Variants in ASB4 observed in about 807,000 individuals in gnomAD.
ASB4 encodes ankyrin repeat and SOCS box containing 4.
In ASB4, 35 loss-of-function variants were observed where a neutral mutation model predicts 38.6. The observed-to-expected ratio is 0.91, with a 90% CI of 0.69 to 1.20. The LOEUF (loss-of-function observed/expected upper bound fraction) is 1.20, where lower values mean the gene tolerates loss of function less well. Ranked by LOEUF, ASB4 falls within the 50% of genes most tolerant of loss-of-function variation. The pLI is 0.00. For synonymous variants in ASB4, 195 were observed against 201.3 expected (o/e 0.97, Z 0.26); for missense variants, 557 against 527.2 (o/e 1.06, Z -0.55).
intron 1 of ASB4, among the ~76,000 whole-genome samples, chr7:95,490,820 G>A (rs1211701120): frequency 2.6e-5 from 4 of 152,224 alleles, no homozygotes; most frequent in Middle Eastern, 3.2e-3. Context: ...ACACGCGCAC[G>A]CGTGCACACA....
chr7:95,471,489 G>C, the ASB4 span, among the ~76,000 whole-genome samples: 1 of 152,136 alleles, frequency 6.6e-6, no homozygotes, highest in South Asian at 2.1e-4. Context: ...TGTCAAAATA[G>C]GTTTCTGTTG....
At chr7:95,502,389 T>TGGG (rs764509855) in intron 2 of ASB4, among the ~76,000 whole-genome samples, 2 of 83,396 alleles carry the variant, frequency 2.4e-5, no homozygotes, top group African/African-American at 8.4e-5. Flanking sequence ...GGTACCAGCC[T>TGGG]GCGGGGGGGG....
chr7:95,513,048 GT>G (rs1219695169), intron 2 of ASB4, among the ~76,000 whole-genome samples: 7 of 152,112 alleles, frequency 4.6e-5, no homozygotes, highest in Admixed American at 2.0e-4. Context: ...TAGAGGAAAT[GT>G]GGCTATAGAA....
intron 2 of ASB4, among the ~76,000 whole-genome samples, chr7:95,515,701 C>G (rs1246398123): frequency 6.6e-6 from 1 of 152,192 alleles, no homozygotes; most frequent in Non-Finnish European, 1.5e-5. Flanking sequence ...AGGCGTGAGC[C>G]ACTGCGCCCA....
intron 3 of ASB4, among the ~76,000 whole-genome samples, chr7:95,530,962 G>A (rs1306656399): frequency 6.6e-6 from 1 of 152,174 alleles, no homozygotes; most frequent in Non-Finnish European, 1.5e-5. Context: ...ACTTACTTAA[G>A]AGTGTGATTA....
At chr7:95,541,653 G>T (rs564998662), downstream of ASB4, among the ~76,000 whole-genome samples, 19 of 152,210 alleles carry the variant, frequency 1.2e-4, no homozygotes, top group African/African-American at 4.6e-4. Flanking sequence ...TTGCATCTTT[G>T]TATTTTTGTA....
chr7:95,511,264 A>T (rs3779489), intron 2 of ASB4, among the ~76,000 whole-genome samples: 7,049 of 152,170 alleles, frequency 0.046, 308 homozygotes, highest in South Asian at 0.12. Flanking sequence ...ACCGAGAGCC[A>T]CCAAGAAGTG....
intron 2 of ASB4, among the ~76,000 whole-genome samples, chr7:95,526,772 A>C (rs1351810047): frequency 6.6e-6 from 1 of 152,192 alleles, no homozygotes; most frequent in Non-Finnish European, 1.5e-5. Context: ...AATAATAATA[A>C]GTCTGTACAG....
chr7:95,550,986 C>T, the ASB4 span, among the ~76,000 whole-genome samples: 1 of 152,098 alleles, frequency 6.6e-6, no homozygotes, highest in African/African-American at 2.4e-5. Context: ...GAAGAATCAA[C>T]CATGCGTTTT....
chr7:95,519,338 G>A (rs753213929), intron 2 of ASB4, among the ~76,000 whole-genome samples: 3 of 152,142 alleles, frequency 2.0e-5, no homozygotes, highest in Non-Finnish European at 2.9e-5. Flanking sequence ...GAATAAAAGG[G>A]ATCTAACCTT....
At chr7:95,546,113 T>G in the ASB4 span, among the ~76,000 whole-genome samples, 1 of 152,212 alleles carries the variant, frequency 6.6e-6, no homozygotes, top group Non-Finnish European at 1.5e-5. Flanking sequence ...GGAGCAATAA[T>G]TGTTTAGTAC....
chr7:95,526,582 AATT>A (rs1790740162), intron 2 of ASB4, among the ~76,000 whole-genome samples: 1 of 152,208 alleles, frequency 6.6e-6, no homozygotes, highest in Non-Finnish European at 1.5e-5. Context: ...ACTTTTGGCC[AATT>A]ATTAACCTCT....
At chr7:95,490,392 A>G (rs1212495380) in intron 1 of ASB4, among the ~76,000 whole-genome samples, 1 of 152,162 alleles carries the variant, frequency 6.6e-6, no homozygotes, top group Non-Finnish European at 1.5e-5. Flanking sequence ...ACTTGCTTTT[A>G]TCCCCCCTTC....
chr7:95,472,620 G>A, the ASB4 span, among the ~76,000 whole-genome samples: 19 of 152,066 alleles, frequency 1.2e-4, no homozygotes, highest in African/African-American at 3.6e-4. Context: ...TCACTAATAG[G>A]GGTTTTAATG....
chr7:95,486,957 T>C (rs1790099823), intron 1 of ASB4, among the ~76,000 whole-genome samples: 2 of 152,188 alleles, frequency 1.3e-5, no homozygotes, highest in Admixed American at 1.3e-4. Context: ...AGTAGTTAGA[T>C]CATCTGGCGA....
At chr7:95,528,377 T>A in intron 3 of ASB4, 74 bp downstream of exon 3, 7 of 1,600,448 alleles carry the variant, frequency 4.4e-6, no homozygotes, top group Non-Finnish European at 6.0e-6. Context: ...TCCAAGTAAC[T>A]CAAGCTTGCT....
At chr7:95,474,429 T>C (rs999828523), upstream of ASB4, among the ~76,000 whole-genome samples, 3 of 152,236 alleles carry the variant, frequency 2.0e-5, no homozygotes, top group Non-Finnish European at 4.4e-5. Flanking sequence ...TCTCTGTTTT[T>C]GTACATATCT....
intron 2 of ASB4, among the ~76,000 whole-genome samples, chr7:95,508,174 T>C (rs1790435517): frequency 6.6e-6 from 1 of 152,048 alleles, no homozygotes; most frequent in South Asian, 2.1e-4. Context: ...TAATTTTTGG[T>C]GTGAGGATTC....
chr7:95,519,441 C>A (rs1315254522), intron 2 of ASB4, among the ~76,000 whole-genome samples: 1 of 152,144 alleles, frequency 6.6e-6, no homozygotes, highest in Non-Finnish European at 1.5e-5. Context: ...AAAGAGCAGA[C>A]ACAATTAATA....
Sources: allele counts gnomAD v4.1 joint callset (sites outside exome capture counted in the v4.1 genomes callset), GRCh38; gene constraint gnomAD v4.1.1; transcripts MANE v1.5; gene names NCBI Gene and HGNC (gene_info 2026-07-23, HGNC 2026-07-21).